The following CD274 variants were observed in gnomAD, a reference collection of about 807,000 sequenced individuals.
The protein encoded by CD274 is programmed cell death 1 ligand 1.
A neutral mutation model predicts 30.1 loss-of-function variants in CD274; 8 were observed. That is an observed-to-expected ratio of 0.27 (90% CI 0.16 to 0.48). CD274 has a LOEUF of 0.48. CD274 is among the 20% of genes least tolerant of loss of function. The probability of loss-of-function intolerance (pLI) is 0.99; values close to 1 mark genes in which losing one functional copy is unlikely to be tolerated. For synonymous variants in CD274, 152 were observed against 124.6 expected, an observed-to-expected ratio of 1.22 and a Z score of -1.46; for missense variants, 353 against 346.6, an observed-to-expected ratio of 1.02 and a Z score of -0.15.
At position 5,467,424 on chromosome 9, in the gene CD274, ACCTCAT is replaced by A. The variant is rs1219119594; in HGVS notation, c.851-413_851-408del. Among the ~76,000 whole-genome samples, 6 of 152,164 alleles carry A rather than the reference ACCTCAT, an allele frequency of 3.9e-5. No homozygotes were observed. In the South Asian group the frequency reaches 1.2e-3, roughly 32 times the overall value. On this transcript the variant is annotated intron_variant, in intron 6 of 6. Transcript: ENST00000381577. ...TTACATTTATAAGCAGGGCAGAAAA[ACCTCAT>A]CCAGGTTATTGAACTAAGAAGAAAG... is the stretch of plus-strand genomic sequence containing the variant.
chr9:5,453,687 G>C (rs1024027189), intron 1 of CD274, among the ~76,000 whole-genome samples: 4 of 152,156 alleles, frequency 2.6e-5, no homozygotes, highest in African/African-American at 9.7e-5. Flanking sequence ...GTATGATAAG[G>C]TTATAAATTA....
At chr9:5,454,652 T>A (rs1248113665) in intron 1 of CD274, among the ~76,000 whole-genome samples, 4 of 152,060 alleles carry the variant, frequency 2.6e-5, no homozygotes, top group African/African-American at 9.7e-5. Context: ...TGTGTGTGTG[T>A]GTGTTTTTGT....
At chr9:5,451,537 G>A (rs1786532995) in intron 1 of CD274, among the ~76,000 whole-genome samples, 1 of 152,204 alleles carries the variant, frequency 6.6e-6, no homozygotes, top group African/African-American at 2.4e-5. Flanking sequence ...TTCCAGAAAG[G>A]ATGTATCAGT....
Position 5,465,606 on chromosome 9 carries a change from GGTA to G in CD274, c.790+4_790+6del. The G allele has an allele frequency of 6.4e-7, 1 of 1,561,060 alleles. No homozygotes were observed. ...GACATTCATCTTCCGTTTAAGAAAA[GGTA>G]GTATTTCCTTAATTGCAGTGGTCTC... On this transcript the variant is annotated splice_donor_variant and splice_donor_region_variant and intron_variant, in intron 5 of 6. Coordinates refer to ENST00000381577, the MANE Select transcript of CD274 (RefSeq NM_014143.4). LOFTEE classifies it high-confidence loss of function.
At chr9:5,465,357 G>C in intron 4 of CD274, 142 bp from the exon 5 acceptor site, 1 of 580,526 alleles carries the variant, frequency 1.7e-6, no homozygotes, top group Admixed American at 2.8e-5. Flanking sequence ...CAGGTATCTC[G>C]CCATTCCAGC....
chr9:5,457,534 GTTCA>G (rs1224750110), intron 3 of CD274, 114 bp downstream of exon 3: 14 of 773,632 alleles, frequency 1.8e-5, no homozygotes, highest in African/African-American at 1.8e-5. Context: ...AGCATAGTCT[GTTCA>G]TTCATTCATT....
chr9:5,466,892 C>G (rs2131233357), intron 6 of CD274, 63 bp downstream of exon 6: 1 of 1,242,932 alleles, frequency 8.0e-7, no homozygotes, highest in Non-Finnish European at 1.2e-6. Flanking sequence ...AAAGCAATAA[C>G]AAAGAGAAAT....
At chr9:5,450,731 C>G (rs981471216) in intron 1 of CD274, 135 bp downstream of exon 1, 3 of 152,326 alleles carry the variant, frequency 2.0e-5, no homozygotes, top group Non-Finnish European at 4.4e-5. Context: ...ACGCGATGGT[C>G]TAGGGGGCAG....
chr9:5,462,882 C>T lies in CD274; in HGVS notation c.443C>T (p.Thr148Ile), dbSNP rs2131223122. Reference sequence around the variant, plus strand: ...AGAATTTTGGTTGTGGATCCAGTCACCTCTGAACATGAACTGACATGTCAG... The same window carrying T: ...AGAATTTTGGTTGTGGATCCAGTCATCTCTGAACATGAACTGACATGTCAG... The part of the protein sequence containing the change: ...NQRILVVDPV[T>I]SEHELTCQAE... Residue 148 changes from threonine (T) to isoleucine (I), a missense_variant, in exon 4 of 7, where the codon ACC (threonine) becomes ATC (isoleucine). Thr to Ile is a moderately conservative substitution (Grantham distance 89). Transcript: ENST00000381577. 1 of 1,614,036 alleles carries T rather than the reference C, an allele frequency of 6.2e-7. No homozygotes were observed. The highest frequency in any genetic ancestry group is 1.1e-5 in the South Asian group (1 of 91,086).
intron 3 of CD274, among the ~76,000 whole-genome samples, chr9:5,459,699 C>T (rs572738070): frequency 6.6e-6 from 1 of 152,320 alleles, no homozygotes; most frequent in South Asian, 2.1e-4. Flanking sequence ...GCCAGACTCT[C>T]AGGCCACTAA....
chr9:5,456,842 G>T (rs1176875568), intron 2 of CD274, among the ~76,000 whole-genome samples: 2 of 152,182 alleles, frequency 1.3e-5, no homozygotes, highest in Middle Eastern at 3.2e-3. Flanking sequence ...TATAAATTGT[G>T]GGGGCAACTT....
chr9:5,454,334 G>C (rs1819262149), intron 1 of CD274, among the ~76,000 whole-genome samples: 1 of 151,348 alleles, frequency 6.6e-6, no homozygotes, highest in Admixed American at 6.6e-5. Flanking sequence ...AAACCTACCT[G>C]TTCTCCCTCT....
Position 5,467,880 on chromosome 9 carries a change from T to C in CD274, c.*18T>C. The C allele has an allele frequency of 3.1e-6, 5 of 1,604,056 alleles. No individual in the cohort carries two copies. Among genetic ancestry groups the C allele is most frequent in the Non-Finnish European group, 3.4e-6 (4 of 1,170,824 alleles). ...AGACGTAATCCAGCATTGGAACTTC[T>C]GATCTTCAAGCAGGGATTCTCAACC... On this transcript the variant is annotated 3_prime_UTR_variant, in exon 7 of 7. Coordinates refer to ENST00000381577, the MANE Select transcript of CD274 (RefSeq NM_014143.4).
intron 3 of CD274, among the ~76,000 whole-genome samples, chr9:5,460,411 A>C (rs1003426844): frequency 1.3e-5 from 2 of 151,242 alleles, no homozygotes; most frequent in Non-Finnish European, 3.0e-5. Context: ...CCTGGAAATG[A>C]CTCTAGGGGG....
chr9:5,452,640 C>T (rs1028607306), intron 1 of CD274, among the ~76,000 whole-genome samples: 10 of 152,194 alleles, frequency 6.6e-5, no homozygotes, highest in African/African-American at 2.2e-4. Context: ...CCTTTTCGTC[C>T]CTCACTAATG....
intron 3 of CD274, among the ~76,000 whole-genome samples, chr9:5,462,021 C>A (rs1385598101): frequency 6.6e-6 from 1 of 151,914 alleles, no homozygotes; most frequent in African/African-American, 2.4e-5. Flanking sequence ...ACGATTGTAC[C>A]ATGGTAATGT....
chr9:5,454,485 A>G lies in CD274; in HGVS notation c.-14-1615A>G, dbSNP rs571479790. On this transcript the variant is annotated intron_variant, in intron 1 of 6. Transcript: ENST00000381577. ...CAACTTACTTTCTATGTGTTTACAA[A>G]ATCAGTACATGTACATATGCTGAAT... Among the ~76,000 whole-genome samples, 64 of 152,204 alleles carry G rather than the reference A, an allele frequency of 4.2e-4. 2 individuals carry two copies. Among genetic ancestry groups the G allele is most frequent in the Admixed American group, 2.2e-3 (33 of 15,276 alleles).
At chr9:5,461,519 T>C (rs1819404225) in intron 3 of CD274, among the ~76,000 whole-genome samples, 1 of 152,164 alleles carries the variant, frequency 6.6e-6, no homozygotes, top group Non-Finnish European at 1.5e-5. Flanking sequence ...CAGTTTCATT[T>C]GATCCTAGCC....
rs139237557 is a variant in CD274 at position 5,456,604 on chromosome 9, T to C, written c.52+439T>C. On this transcript the variant is annotated intron_variant, in intron 2 of 6. Transcript: ENST00000381577. ...ATGTCAGGCTAACACAGTACTGGCA[T>C]CACCCTGTGCTCTTTCCTGAACTCC... Among the ~76,000 whole-genome samples the C allele has an allele frequency of 3.4e-3, 521 of 152,326 alleles. 5 individuals carry two copies. Among genetic ancestry groups the C allele is most frequent in the African/African-American group, 0.012 (497 of 41,578 alleles).
Sources: gnomAD v4.1 joint callset for allele counts (sites outside exome capture counted in the v4.1 genomes callset) on GRCh38, gnomAD v4.1.1 for gene constraint, MANE v1.5 for transcripts, NCBI Gene and HGNC (gene_info 2026-07-23, HGNC 2026-07-21) for gene names.